LPP: variants seen among roughly 807,000 people sequenced by gnomAD.
LPP encodes the protein LIM domain containing preferred translocation partner in lipoma.
A neutral mutation model predicts 60.4 loss-of-function variants in LPP; 38 were observed. The observed-to-expected ratio is 0.63, with a 90% CI of 0.49 to 0.83. The LOEUF is 0.83. LPP is among the 40% of genes least tolerant of loss of function. The pLI, the probability that LPP is intolerant of heterozygous loss-of-function variation, is 0.00. For synonymous variants in LPP, 328 were observed against 290.8 expected (o/e 1.13, Z -1.30); for missense variants, 902 against 783.6 (o/e 1.15, Z -1.80).
chr3:188,552,755 T>G (rs893570314), intron 6 of LPP, among the ~76,000 whole-genome samples: 2 of 152,196 alleles, frequency 1.3e-5, no homozygotes, highest in African/African-American at 2.4e-5. Context: ...TTTTAAGAAC[T>G]CATGTGATTA....
At chr3:188,501,702 T>TCACGCCACTG (rs560341558) in intron 5 of LPP, among the ~76,000 whole-genome samples, 1,761 of 149,322 alleles carry the variant, frequency 0.012, 37 homozygotes, top group African/African-American at 0.041. Flanking sequence ...TGAGCCGAGA[T>TCACGCCACTG]CACTCCAGCC....
chr3:188,425,474 G>A (rs1182172561), intron 4 of LPP, among the ~76,000 whole-genome samples: 1 of 152,126 alleles, frequency 6.6e-6, no homozygotes, highest in African/African-American at 2.4e-5. Context: ...AATGAGTTAG[G>A]GAGGAGTCCC....
At chr3:188,687,900 G>A (rs539564922) in intron 7 of LPP, among the ~76,000 whole-genome samples, 1 of 150,542 alleles carries the variant, frequency 6.6e-6, no homozygotes, top group East Asian at 2.0e-4. Context: ...TCAGCCTCCC[G>A]AGTAGCTGGG....
intron 5 of LPP, among the ~76,000 whole-genome samples, chr3:188,519,672 G>T (rs1213959726): frequency 1.3e-5 from 2 of 152,062 alleles, no homozygotes; most frequent in Non-Finnish European, 2.9e-5. Flanking sequence ...ATGTCGGGGG[G>T]TGGTTTTGCA....
intron 6 of LPP, among the ~76,000 whole-genome samples, chr3:188,596,125 G>T (rs1020395172): frequency 2.0e-5 from 3 of 152,120 alleles, no homozygotes; most frequent in Non-Finnish European, 4.4e-5. Flanking sequence ...CAGCAGATGT[G>T]CCTGGTACAC....
intron 9 of LPP, among the ~76,000 whole-genome samples, chr3:188,855,610 AT>A (rs1763654516): frequency 6.6e-6 from 1 of 152,134 alleles, no homozygotes; most frequent in Admixed American, 6.5e-5. Context: ...TTGTTCATTC[AT>A]TTACTTACTA....
At chr3:188,200,101 A>C (rs1467227797) in intron 1 of LPP, among the ~76,000 whole-genome samples, 1 of 152,188 alleles carries the variant, frequency 6.6e-6, no homozygotes, top group East Asian at 1.9e-4. Context: ...CAGCCAAATA[A>C]ATAAAGAATG....
chr3:188,569,518 T>A (rs1175969942), intron 6 of LPP, among the ~76,000 whole-genome samples: 1 of 152,006 alleles, frequency 6.6e-6, no homozygotes, highest in African/African-American at 2.4e-5. Flanking sequence ...ATATTAAAAA[T>A]TATAATTAAA....
At chr3:188,850,135 T>G (rs1762388347) in intron 9 of LPP, among the ~76,000 whole-genome samples, 1 of 152,230 alleles carries the variant, frequency 6.6e-6, no homozygotes, top group South Asian at 2.1e-4. Flanking sequence ...GAGTCTGATG[T>G]GCTATTGTGT....
chr3:188,631,939 T>G (rs1847911489), intron 7 of LPP, among the ~76,000 whole-genome samples: 1 of 152,154 alleles, frequency 6.6e-6, no homozygotes, highest in Non-Finnish European at 1.5e-5. Flanking sequence ...TTTCCCTACA[T>G]GAGCGTACAC....
At chr3:188,172,102 C>T (rs76599363) in intron 1 of LPP, among the ~76,000 whole-genome samples, 3,655 of 152,302 alleles carry the variant, frequency 0.024, 143 homozygotes, top group African/African-American at 0.083. Flanking sequence ...TTTTCAGAAG[C>T]TAAGAATTCA....
chr3:188,411,973 GTCTCTC>G (rs56025983), intron 4 of LPP, among the ~76,000 whole-genome samples: 67 of 149,530 alleles, frequency 4.5e-4, no homozygotes, highest in Non-Finnish European at 6.0e-4. Flanking sequence ...CTCTTTCTCT[GTCTCTC>G]TCTCTCTCTC....
chr3:188,640,559 AAAAG>A (rs1422623666), intron 7 of LPP, among the ~76,000 whole-genome samples: 1 of 151,374 alleles, frequency 6.6e-6, no homozygotes, highest in Non-Finnish European at 1.5e-5. Flanking sequence ...CGAAAAAAAA[AAAAG>A]AAACAGATCC....
intron 2 of LPP, among the ~76,000 whole-genome samples, chr3:188,236,810 T>A (rs571021561): frequency 2.6e-5 from 4 of 152,348 alleles, no homozygotes; most frequent in African/African-American, 9.6e-5. Context: ...CTTGCCATGA[T>A]GCTAATGACT....
chr3:188,657,722 A>C (rs898697092), intron 7 of LPP, among the ~76,000 whole-genome samples: 1 of 152,054 alleles, frequency 6.6e-6, no homozygotes, highest in Admixed American at 6.6e-5. Context: ...AACCCGTTAC[A>C]TTCATCCCTC....
At position 188,232,282 on chromosome 3, in the gene LPP, G is replaced by GA. The variant is rs1720283911; in HGVS notation, c.-67+6757dup. ...TGGTCACTGAGAATGTGGCTGGCCA[G>GA]AACGTGAATTCTACTACCTGCTCCA... On this transcript the variant is annotated intron_variant, in intron 2 of 11. Transcript: ENST00000617246. Among the ~76,000 whole-genome samples the GA allele has an allele frequency of 3.3e-5, 5 of 152,082 alleles. No individual in the cohort carries two copies. In the South Asian group the frequency reaches 1.0e-3, roughly 32 times the overall value.
At chr3:188,233,885 G>C (rs1445458181) in intron 2 of LPP, among the ~76,000 whole-genome samples, 1 of 151,948 alleles carries the variant, frequency 6.6e-6, no homozygotes, top group African/African-American at 2.4e-5. Flanking sequence ...CATGGCCTCT[G>C]TGTGTAGCCG....
chr3:188,263,401 A>G (rs371291273), intron 2 of LPP, among the ~76,000 whole-genome samples: 1 of 152,264 alleles, frequency 6.6e-6, no homozygotes, highest in African/African-American at 2.4e-5. Flanking sequence ...TTCTCTCTCA[A>G]AACCTTCAGT....
intron 6 of LPP, among the ~76,000 whole-genome samples, chr3:188,544,106 C>T (rs771990571): frequency 1.3e-5 from 2 of 152,184 alleles, no homozygotes; most frequent in Non-Finnish European, 2.9e-5. Context: ...TTTGATCTAA[C>T]CACCTCCATT....
Sources: gnomAD v4.1 joint callset for allele counts (sites outside exome capture counted in the v4.1 genomes callset) on GRCh38, gnomAD v4.1.1 for gene constraint, MANE v1.5 for transcripts, NCBI Gene and HGNC (gene_info 2026-07-23, HGNC 2026-07-21) for gene names.